The following RHEX variants were observed in gnomAD, a reference collection of about 807,000 sequenced individuals.
RHEX encodes the protein regulator of hemoglobinization and erythroid cell expansion protein.
RHEX carries 18 observed loss-of-function variants against 20.1 expected under a neutral mutation model. The ratio of observed to expected loss-of-function variants is 0.90; its 90% confidence interval spans 0.62 to 1.33. RHEX has a LOEUF of 1.33. Ranked by LOEUF, RHEX falls within the 40% of genes most tolerant of loss-of-function variation. The pLI is 0.00. For synonymous variants in RHEX, 87 were observed against 77.1 expected, an observed-to-expected ratio of 1.13 and a Z score of -0.67; for missense variants, 192 against 214.3, an observed-to-expected ratio of 0.90 and a Z score of 0.65.
chr1:206,094,893 A>G (rs541900494), intron 1 of RHEX, among the ~76,000 whole-genome samples: 1 of 152,344 alleles, frequency 6.6e-6, no homozygotes, highest in Admixed American at 6.5e-5. Context: ...AAGGGCCAAA[A>G]TAAGGCATTA....
At chr1:206,060,390 C>T (rs781910914) in intron 1 of RHEX, 7 of 152,198 alleles carry the variant, frequency 4.6e-5, no homozygotes, top group Non-Finnish European at 1.0e-4. Context: ...CCTCTCCTTC[C>T]CCTTATGCAG....
intron 1 of RHEX, 134 bp from the exon 2 acceptor site, chr1:206,097,599 G>A (rs1663098987): frequency 1.7e-6 from 1 of 605,008 alleles, no homozygotes; most frequent in Middle Eastern, 4.0e-4. Flanking sequence ...TATCATGTAG[G>A]AAAGTGGGGA....
intron 1 of RHEX, among the ~76,000 whole-genome samples, chr1:206,070,743 T>C (rs1322602962): frequency 6.6e-6 from 1 of 152,170 alleles, no homozygotes; most frequent in African/African-American, 2.4e-5. Context: ...CCACAGACAA[T>C]GCGCCCCTTG....
intron 1 of RHEX, among the ~76,000 whole-genome samples, chr1:206,074,019 G>A (rs1662585201): frequency 6.6e-6 from 1 of 152,020 alleles, no homozygotes; most frequent in Admixed American, 6.6e-5. Flanking sequence ...ACTCCTCACT[G>A]CCTCGTACCC....
intron 1 of RHEX, among the ~76,000 whole-genome samples, chr1:206,065,127 A>G (rs2102309415): frequency 6.6e-6 from 1 of 152,296 alleles, no homozygotes; most frequent in South Asian, 2.1e-4. Context: ...GTACCCAGGG[A>G]CACAAATGCT....
At chr1:206,080,240 G>C (rs900953464) in intron 1 of RHEX, 3 of 152,128 alleles carry the variant, frequency 2.0e-5, no homozygotes, top group Admixed American at 6.6e-5. Context: ...TTTCTCCCTT[G>C]TCAAAAATTC....
At chr1:206,054,415 G>A (rs1216113205) in intron 1 of RHEX, among the ~76,000 whole-genome samples, 1 of 152,084 alleles carries the variant, frequency 6.6e-6, no homozygotes, top group East Asian at 1.9e-4. Flanking sequence ...CATACCTTTG[G>A]TAAAAAGATT....
chr1:206,073,061 C>T (rs1357431605), intron 1 of RHEX, among the ~76,000 whole-genome samples: 2 of 152,188 alleles, frequency 1.3e-5, no homozygotes, highest in East Asian at 1.9e-4. Flanking sequence ...TGGTCACAAA[C>T]TCCTGGATTC....
chr1:206,086,161 A>G (rs1662836281), intron 1 of RHEX, among the ~76,000 whole-genome samples: 1 of 152,204 alleles, frequency 6.6e-6, no homozygotes, highest in South Asian at 2.1e-4. Flanking sequence ...GGGACATCGC[A>G]GGACCCCATG....
At chr1:206,089,664 T>C (rs1553286770) in intron 1 of RHEX, among the ~76,000 whole-genome samples, 2 of 152,156 alleles carry the variant, frequency 1.3e-5, no homozygotes, top group Non-Finnish European at 2.9e-5. Context: ...CCCTAGTGTT[T>C]TTCTTAAAAA....
intron 1 of RHEX, among the ~76,000 whole-genome samples, chr1:206,073,171 C>T (rs1362576303): frequency 1.3e-5 from 2 of 152,092 alleles, no homozygotes; most frequent in Admixed American, 1.3e-4. Flanking sequence ...TTGGGATCTC[C>T]TTGGCAGGCT....
intron 1 of RHEX, among the ~76,000 whole-genome samples, chr1:206,081,919 T>G (rs1341036620): frequency 6.6e-6 from 1 of 152,198 alleles, no homozygotes; most frequent in Non-Finnish European, 1.5e-5. Context: ...TAGCTTGAAT[T>G]GATTACTTAG....
chr1:206,084,576 A>G (rs553313919), intron 1 of RHEX, among the ~76,000 whole-genome samples: 2 of 152,286 alleles, frequency 1.3e-5, no homozygotes, highest in South Asian at 4.1e-4. Flanking sequence ...GGGCTCAGAC[A>G]ATGCGGTGCT....
intron 1 of RHEX, chr1:206,060,315 G>A (rs1421070978): frequency 6.6e-6 from 1 of 151,228 alleles, no homozygotes; most frequent in Non-Finnish European, 1.5e-5. Context: ...TACCATTTAG[G>A]ATTCTGTAGA....
chr1:206,097,008 CA>C (rs1453850711), intron 1 of RHEX, among the ~76,000 whole-genome samples: 2 of 152,116 alleles, frequency 1.3e-5, no homozygotes, highest in African/African-American at 2.4e-5. Context: ...CTCCTAGGCT[CA>C]AGTGATCTGC....
At chr1:206,056,145 G>A (rs1662191148) in intron 1 of RHEX, among the ~76,000 whole-genome samples, 1 of 152,240 alleles carries the variant, frequency 6.6e-6, no homozygotes, top group Admixed American at 6.5e-5. Flanking sequence ...AGAGAGCCCA[G>A]TTAAACATAA....
chr1:206,072,005 A>G (rs1199995145), intron 1 of RHEX, among the ~76,000 whole-genome samples: 1 of 152,250 alleles, frequency 6.6e-6, no homozygotes, highest in African/African-American at 2.4e-5. Flanking sequence ...AAGAAGCCAT[A>G]TGAGTTAAAA....
intron 1 of RHEX, among the ~76,000 whole-genome samples, chr1:206,082,966 T>C (rs1571865725): frequency 1.3e-5 from 2 of 152,216 alleles, no homozygotes; most frequent in African/African-American, 4.8e-5. Flanking sequence ...CTTCCTTCCC[T>C]TCCTGCTGTT....
chr1:206,101,461 T>G (rs890738555), intron 5 of RHEX, among the ~76,000 whole-genome samples: 1 of 152,146 alleles, frequency 6.6e-6, no homozygotes, highest in African/African-American at 2.4e-5. Context: ...CACACCCCAG[T>G]TGTTGGGCTC....
Sources: gnomAD v4.1 joint callset for allele counts (sites outside exome capture counted in the v4.1 genomes callset) on GRCh38, gnomAD v4.1.1 for gene constraint, MANE v1.5 for transcripts, NCBI Gene and HGNC (gene_info 2026-07-23, HGNC 2026-07-21) for gene names.